PTPRM: variants seen among roughly 807,000 people sequenced by gnomAD.
PTPRM encodes the protein receptor-type tyrosine-protein phosphatase mu.
Under a neutral mutation model 186.7 loss-of-function variants are expected in PTPRM, and 47 were observed. The observed-to-expected ratio is 0.25, with a 90% CI of 0.20 to 0.32. PTPRM has a LOEUF of 0.32. Ranked by LOEUF, PTPRM falls within the 10% of genes least tolerant of loss-of-function variation. PTPRM has a pLI of 1.00. For synonymous variants in PTPRM, 668 were observed against 674.9 expected, an observed-to-expected ratio of 0.99 and a Z score of 0.16; for missense variants, 1,494 against 1,865.0, an observed-to-expected ratio of 0.80 and a Z score of 3.66.
chr18:8,285,343 A>G (rs1279123787), intron 19 of PTPRM, among the ~76,000 whole-genome samples: 6 of 152,338 alleles, frequency 3.9e-5, no homozygotes, highest in South Asian at 4.1e-4. Flanking sequence ...CTGGTCCTAC[A>G]TCTCATTCTT....
rs368792671 is a variant in PTPRM, at chr18:7,616,032, C to T, written c.73+48141C>T. Among the ~76,000 whole-genome samples the T allele has an allele frequency of 5.3e-5, 8 of 152,202 alleles. No individual in the cohort carries two copies. In the East Asian group the frequency reaches 1.4e-3, roughly 26 times the overall value. Reference sequence around the variant, plus strand: ...GGTGGAGCTCAGGCAGTAATGCTCGCGAGCCGCCACTCATTTCCTGCTGTG... The same window carrying T: ...GGTGGAGCTCAGGCAGTAATGCTCGTGAGCCGCCACTCATTTCCTGCTGTG... On this transcript the variant is annotated intron_variant, in intron 1 of 32. Transcript: ENST00000580170.
intron 1 of PTPRM, among the ~76,000 whole-genome samples, chr18:7,648,725 T>G (rs1272584326): frequency 6.6e-6 from 1 of 152,194 alleles, no homozygotes; most frequent in East Asian, 1.9e-4. Context: ...AGCTGGAAGC[T>G]AGCAGAGTTT....
chr18:7,782,480 A>T (rs547881925), intron 2 of PTPRM, among the ~76,000 whole-genome samples: 1 of 152,334 alleles, frequency 6.6e-6, no homozygotes, highest in South Asian at 2.1e-4. Context: ...TTAAGTGTAC[A>T]GTTCAGTGCA....
intron 14 of PTPRM, among the ~76,000 whole-genome samples, chr18:8,221,264 C>T (rs1344170006): frequency 6.6e-6 from 1 of 152,138 alleles, no homozygotes; most frequent in African/African-American, 2.4e-5. Context: ...GTATTGTTGT[C>T]GCTGTGGGGG....
chr18:8,241,139 C>T (rs2094430866), intron 14 of PTPRM, among the ~76,000 whole-genome samples: 1 of 152,082 alleles, frequency 6.6e-6, no homozygotes, highest in Non-Finnish European at 1.5e-5. Context: ...ACGAGCCTGG[C>T]CAACATGGCG....
chr18:7,789,351 T>G (rs895202330), intron 2 of PTPRM, among the ~76,000 whole-genome samples: 2 of 152,066 alleles, frequency 1.3e-5, no homozygotes, highest in Non-Finnish European at 2.9e-5. Context: ...TGATTATTAT[T>G]AATATTGTCT....
At position 8,092,117 on chromosome 18, in the gene PTPRM, C is replaced by T. The variant is rs576430423; in HGVS notation, c.1856+3266C>T. 2.0e-5 allele frequency among the ~76,000 whole-genome samples: 3 copies of T among 152,138 alleles called. No individual in the cohort carries two copies. The South Asian group carries it at 6.2e-4, about 32-fold the overall frequency. ...AAAATTCAGTCGAATTTCGTTTATG[C>T]ACTTCACTAAGTAAGGTGGTCATGT... On this transcript the variant is annotated intron_variant, in intron 11 of 32. Coordinates refer to ENST00000580170, the MANE Select transcript of PTPRM (RefSeq NM_001105244.2).
chr18:7,618,553 G>GA (rs916187100), intron 1 of PTPRM, among the ~76,000 whole-genome samples: 1 of 151,996 alleles, frequency 6.6e-6, no homozygotes, highest in Admixed American at 6.6e-5. Flanking sequence ...AACCTGAAAG[G>GA]AAAAAAACCC....
At chr18:7,907,115 A>T (rs1204893008) in intron 4 of PTPRM, among the ~76,000 whole-genome samples, 1 of 152,220 alleles carries the variant, frequency 6.6e-6, no homozygotes, top group East Asian at 1.9e-4. Flanking sequence ...ACAATAGGTG[A>T]TAAACATACA....
intron 9 of PTPRM, 34 bp downstream of exon 9, chr18:8,076,598 G>T: frequency 9.2e-7 from 1 of 1,090,358 alleles, no homozygotes; most frequent in Non-Finnish European, 1.4e-6. Flanking sequence ...TTTTTAATTA[G>T]AAATACTCAT....
At chr18:8,303,050 A>G in intron 20 of PTPRM, among the ~76,000 whole-genome samples, 1 of 152,150 alleles carries the variant, frequency 6.6e-6, no homozygotes, top group South Asian at 2.1e-4. Flanking sequence ...GTGGTGGTAG[A>G]AGCCATTGGC....
chr18:8,218,637 A>G (rs1421249070), intron 14 of PTPRM, among the ~76,000 whole-genome samples: 2 of 152,274 alleles, frequency 1.3e-5, no homozygotes. Flanking sequence ...CGCTCAAAGG[A>G]AAGAGATTTT....
intron 31 of PTPRM, among the ~76,000 whole-genome samples, chr18:8,393,609 T>TAAA (rs1185357545): frequency 2.0e-5 from 3 of 152,198 alleles, no homozygotes; most frequent in African/African-American, 4.8e-5. Flanking sequence ...ATCACGTTCT[T>TAAA]GGTTTGCATA....
intron 1 of PTPRM, among the ~76,000 whole-genome samples, chr18:7,709,885 A>T (rs1039161265): frequency 5.9e-5 from 9 of 152,186 alleles, no homozygotes; most frequent in Non-Finnish European, 1.2e-4. Context: ...ACCAATAACA[A>T]GCAGTGAGAG....
chr18:7,865,698 A>G (rs1430159665), intron 2 of PTPRM, among the ~76,000 whole-genome samples: 3 of 152,232 alleles, frequency 2.0e-5, no homozygotes, highest in African/African-American at 7.2e-5. Context: ...TGCCGGCCTC[A>G]TAAAATGAGT....
Position 7,694,212 on chromosome 18 carries a change from C to A in PTPRM, c.74-79937C>A, listed in dbSNP as rs149276174. ...CTCTTAAACTTGAGGACTCACCAGC[C>A]CTAGAATGGAGGAGGGGAGTGTGTT... On this transcript the variant is annotated intron_variant, in intron 1 of 32. Transcript: ENST00000580170. 4.1e-4 allele frequency among the ~76,000 whole-genome samples: 62 copies of A among 152,206 alleles called. 1 individual carries two copies. Among genetic ancestry groups the A allele is most frequent in the African/African-American group, 1.5e-3 (62 of 41,526 alleles).
chr18:7,657,210 G>A (rs1438367400), intron 1 of PTPRM, among the ~76,000 whole-genome samples: 4 of 152,252 alleles, frequency 2.6e-5, no homozygotes, highest in Admixed American at 2.6e-4. Flanking sequence ...AGGCCAGGAC[G>A]CTCTGTGTGC....
chr18:7,976,205 T>C (rs191262076), intron 7 of PTPRM, among the ~76,000 whole-genome samples: 1 of 152,078 alleles, frequency 6.6e-6, no homozygotes, highest in Non-Finnish European at 1.5e-5. Flanking sequence ...AAAGAACGTT[T>C]CTCTGTCATT....
At chr18:8,207,815 G>T (rs1412238983) in intron 14 of PTPRM, among the ~76,000 whole-genome samples, 1 of 152,072 alleles carries the variant, frequency 6.6e-6, no homozygotes, top group Non-Finnish European at 1.5e-5. Context: ...CCAAAGAGAG[G>T]GACTGATTTT....
Sources: gnomAD v4.1 joint callset for allele counts (sites outside exome capture counted in the v4.1 genomes callset) on GRCh38, gnomAD v4.1.1 for gene constraint, MANE v1.5 for transcripts, NCBI Gene and HGNC (gene_info 2026-07-23, HGNC 2026-07-21) for gene names.